Variants in FHOD3 observed in about 807,000 individuals in gnomAD.
The protein encoded by FHOD3 is formin homology 2 domain containing 3.
In FHOD3, 90 loss-of-function variants were observed where a neutral mutation model predicts 173.0. The observed-to-expected ratio is 0.52, with a 90% CI of 0.44 to 0.62. The LOEUF is 0.62. FHOD3 is among the 20% of genes least tolerant of loss of function. FHOD3 has a pLI of 0.00. For synonymous variants in FHOD3, 828 were observed against 823.0 expected (o/e 1.01, Z -0.10); for missense variants, 1,945 against 2,034.7 (o/e 0.96, Z 0.85).
chr18:36,697,086 T>G (rs1568624606), intron 17 of FHOD3, among the ~76,000 whole-genome samples: 1 of 152,196 alleles, frequency 6.6e-6, no homozygotes, highest in Non-Finnish European at 1.5e-5. Flanking sequence ...TGAGAAAGTT[T>G]CTCTGAGGAT....
At chr18:36,626,753 G>T (rs1249139803) in intron 10 of FHOD3, among the ~76,000 whole-genome samples, 1 of 152,206 alleles carries the variant, frequency 6.6e-6, no homozygotes, top group Non-Finnish European at 1.5e-5. Context: ...TTATGAGGAA[G>T]AAAATCACTC....
intron 1 of FHOD3, among the ~76,000 whole-genome samples, chr18:36,337,975 T>A (rs2045411301): frequency 6.6e-6 from 1 of 152,054 alleles, no homozygotes; most frequent in Admixed American, 6.5e-5. Context: ...CCTCAACAAG[T>A]AGAGGTGTTT....
intron 2 of FHOD3, among the ~76,000 whole-genome samples, chr18:36,371,223 A>G (rs1264082989): frequency 6.6e-6 from 1 of 152,210 alleles, no homozygotes; most frequent in Non-Finnish European, 1.5e-5. Flanking sequence ...ATGCTTTGCA[A>G]TTATGCAGCT....
chr18:36,703,012 G>A (rs1427377966), intron 17 of FHOD3, among the ~76,000 whole-genome samples: 1 of 152,154 alleles, frequency 6.6e-6, no homozygotes, highest in Non-Finnish European at 1.5e-5. Context: ...TTGGTCAGAG[G>A]GTTGCTGAAT....
At chr18:36,610,625 C>T (rs1028110578) in intron 8 of FHOD3, among the ~76,000 whole-genome samples, 14 of 152,172 alleles carry the variant, frequency 9.2e-5, no homozygotes, top group African/African-American at 3.1e-4. Flanking sequence ...GTCCTCTTTG[C>T]TCAGCTTAAA....
At chr18:36,648,324 G>C (rs766808617) in intron 10 of FHOD3, among the ~76,000 whole-genome samples, 4 of 152,158 alleles carry the variant, frequency 2.6e-5, no homozygotes, top group Non-Finnish European at 5.9e-5. Context: ...GCAAGGCAAG[G>C]GATTGAGAAG....
intron 3 of FHOD3, among the ~76,000 whole-genome samples, chr18:36,458,666 GTTTTTTTT>G (rs35141522): frequency 1.4e-4 from 15 of 104,724 alleles, no homozygotes; most frequent in Admixed American, 3.2e-4. Flanking sequence ...TTTTTGTTAG[GTTTTTTTT>G]TTTTTTTTTT....
At chr18:36,655,438 G>A (rs894837975) in intron 13 of FHOD3, among the ~76,000 whole-genome samples, 1 of 152,050 alleles carries the variant, frequency 6.6e-6, no homozygotes, top group Non-Finnish European at 1.5e-5. Context: ...GGGGGTGGGA[G>A]CAATAGAAAC....
At chr18:36,547,698 G>T (rs1053692780) in intron 5 of FHOD3, among the ~76,000 whole-genome samples, 1 of 152,152 alleles carries the variant, frequency 6.6e-6, no homozygotes, top group Non-Finnish European at 1.5e-5. Flanking sequence ...AAGGAACGTC[G>T]CAGTGTCTGT....
At chr18:36,454,046 C>T (rs1167654203) in intron 3 of FHOD3, among the ~76,000 whole-genome samples, 1 of 152,108 alleles carries the variant, frequency 6.6e-6, no homozygotes, top group Non-Finnish European at 1.5e-5. Context: ...TTATTTTATT[C>T]TTCCCCACCA....
At chr18:36,508,281 T>A (rs184886572) in intron 4 of FHOD3, among the ~76,000 whole-genome samples, 3,562 of 150,822 alleles carry the variant, frequency 0.024, 63 homozygotes, top group African/African-American at 0.048. Flanking sequence ...TTTTTTTTTT[T>A]AAAAAAAGCT....
chr18:36,735,945 C>A (rs2041607839), intron 20 of FHOD3, among the ~76,000 whole-genome samples: 1 of 152,232 alleles, frequency 6.6e-6, no homozygotes, highest in African/African-American at 2.4e-5. Flanking sequence ...AAATACATGA[C>A]TTTCAGATAC....
intron 14 of FHOD3, among the ~76,000 whole-genome samples, chr18:36,669,794 T>C (rs2037411266): frequency 6.6e-6 from 1 of 151,984 alleles, no homozygotes; most frequent in Non-Finnish European, 1.5e-5. Flanking sequence ...TTTAAATATA[T>C]TTAAATAATA....
intron 1 of FHOD3, among the ~76,000 whole-genome samples, chr18:36,318,063 G>T (rs1192516588): frequency 6.6e-6 from 1 of 152,186 alleles, no homozygotes; most frequent in African/African-American, 2.4e-5. Flanking sequence ...TGAGGCCTCT[G>T]TTCTGTTCCA....
At chr18:36,417,923 AT>A (rs1459386135) in intron 3 of FHOD3, among the ~76,000 whole-genome samples, 3 of 152,146 alleles carry the variant, frequency 2.0e-5, no homozygotes, top group Admixed American at 2.0e-4. Context: ...GTCCTGGAAA[AT>A]TTTTTGGTTT....
chr18:36,499,495 A>G (rs2054916483), intron 3 of FHOD3, among the ~76,000 whole-genome samples: 1 of 152,198 alleles, frequency 6.6e-6, no homozygotes, highest in Non-Finnish European at 1.5e-5. Context: ...TTGGGGGTAT[A>G]CATGGCCCAT....
intron 5 of FHOD3, among the ~76,000 whole-genome samples, chr18:36,547,681 A>G (rs190059056): frequency 6.6e-6 from 1 of 152,310 alleles, no homozygotes; most frequent in East Asian, 1.9e-4. Flanking sequence ...CCTTAGAGAA[A>G]TTCGGGAAGG....
At chr18:36,586,442 A>AG (rs1305156312) in intron 6 of FHOD3, among the ~76,000 whole-genome samples, 1 of 152,078 alleles carries the variant, frequency 6.6e-6, no homozygotes, top group Non-Finnish European at 1.5e-5. Context: ...ATCTTAGTGC[A>AG]GGGATTTTGG....
chr18:36,580,171 C>A (rs1453186089), intron 6 of FHOD3, among the ~76,000 whole-genome samples: 1 of 152,012 alleles, frequency 6.6e-6, no homozygotes, highest in Non-Finnish European at 1.5e-5. Context: ...TCCCAGCCTC[C>A]CCATCCTACA....
Sources: gnomAD v4.1 joint callset for allele counts (sites outside exome capture counted in the v4.1 genomes callset) on GRCh38, gnomAD v4.1.1 for gene constraint, MANE v1.5 for transcripts, NCBI Gene and HGNC (gene_info 2026-07-23, HGNC 2026-07-21) for gene names.